Variants in ADAP1 observed in about 807,000 individuals in gnomAD.
ADAP1 encodes ArfGAP with dual PH domains 1.
A neutral mutation model predicts 54.9 loss-of-function variants in ADAP1; 31 were observed. That is an observed-to-expected ratio of 0.56 (90% confidence interval 0.42 to 0.76). The LOEUF is 0.76. Among genes scored for constraint, ADAP1 ranks in the 30% least tolerant of loss-of-function variants. ADAP1 has a pLI of 0.00. For missense variants in ADAP1, 535 were observed against 512.4 expected, an observed-to-expected ratio of 1.04 and a Z score of -0.42; for synonymous variants, 313 against 202.6, an observed-to-expected ratio of 1.55 and a Z score of -4.63.
intron 4 of ADAP1, among the ~76,000 whole-genome samples, chr7:917,437 G>A (rs776629082): frequency 6.6e-6 from 1 of 152,160 alleles, no homozygotes; most frequent in African/African-American, 2.4e-5. Context: ...TACAACACCA[G>A]GACTGTGTTC....
chr7:923,531 T>C (rs1846263334), intron 3 of ADAP1, among the ~76,000 whole-genome samples: 1 of 152,052 alleles, frequency 6.6e-6, no homozygotes, highest in Non-Finnish European at 1.5e-5. Context: ...TCCCGGCCTC[T>C]GAGTCACAGG....
Position 905,308 on chromosome 7 carries a change from C to T in ADAP1, c.389-136G>A, listed in dbSNP as rs868842805. 3.3e-4 allele frequency: 127 copies of T among 390,574 alleles called. 5 individuals carry two copies. The highest frequency in any genetic ancestry group is 1.7e-3 in the African/African-American group (42 of 25,242). 24.2% of individuals were successfully genotyped at this position (390,574 alleles called of 1,614,324 possible). ...GACGGGGGACACGGACAGGGGGAGA[C>T]GGACGGGGAGAGGGGACATGGAGGA... On this transcript the variant is annotated intron_variant, in intron 4 of 10. Coordinates refer to ENST00000265846, the MANE Select transcript of ADAP1 (RefSeq NM_006869.4).
intron 4 of ADAP1, among the ~76,000 whole-genome samples, chr7:914,036 GGGT>G (rs1845832477): frequency 6.6e-6 from 1 of 152,246 alleles, no homozygotes; most frequent in Non-Finnish European, 1.5e-5. Flanking sequence ...CCATGGTCCT[GGGT>G]GGCGTGGCCC....
rs1156736087 is a variant in ADAP1, at chr7:904,324, A to G, written c.502-52T>C. ...TCACAGGGGCCGTCGTCCAAGCTCA[A>G]GGGAGCAGGAAGGGCAGACCCTGTG... On this transcript the variant is annotated intron_variant, in intron 5 of 10. Coordinates refer to ENST00000265846, the MANE Select transcript of ADAP1 (RefSeq NM_006869.4). 2.6e-6 allele frequency: 4 copies of G among 1,524,168 alleles called. No individual in the cohort carries two copies. In the African/African-American group the frequency reaches 4.2e-5, roughly 16 times the overall value. 94.4% of individuals were successfully genotyped at this position (1,524,168 alleles called of 1,614,324 possible).
intron 4 of ADAP1, among the ~76,000 whole-genome samples, chr7:918,206 G>C (rs1420037763): frequency 6.6e-6 from 1 of 152,098 alleles, no homozygotes; most frequent in Non-Finnish European, 1.5e-5. Context: ...ACCGGCGTGA[G>C]CCACCGTGCC....
At position 946,806 on chromosome 7, in the gene ADAP1, G is replaced by T. The variant is rs962942656; in HGVS notation, c.82+7590C>A. ...AGAGGTGGTGGTTGAACAGCATGGA[G>T]AACGTTCTAAATGCCACTGAATTTT... On this transcript the variant is annotated intron_variant, in intron 1 of 10. Coordinates refer to ENST00000265846, the MANE Select transcript of ADAP1 (RefSeq NM_006869.4). This position sits in a 1 kb window ranked among gnomAD's most constrained non-coding sequence, Gnocchi z 4.3. Among the ~76,000 whole-genome samples the T allele has an allele frequency of 6.6e-6, 1 of 152,246 alleles. No homozygotes were observed. Among genetic ancestry groups the T allele is most frequent in the East Asian group, 1.9e-4 (1 of 5,204 alleles).
chr7:918,536 CTCTT>C (rs1846027253), intron 4 of ADAP1, among the ~76,000 whole-genome samples: 1 of 152,224 alleles, frequency 6.6e-6, no homozygotes, highest in Non-Finnish European at 1.5e-5. Context: ...GGCAGCCTCT[CTCTT>C]ACACAAGGGC....
At chr7:903,658 C>T (rs1295881214) in intron 6 of ADAP1, among the ~76,000 whole-genome samples, 2 of 152,114 alleles carry the variant, frequency 1.3e-5, no homozygotes, top group South Asian at 4.1e-4. Flanking sequence ...GGGGTACACC[C>T]ACCCTCCCCG....
At chr7:936,124 T>G (rs78035413) in intron 1 of ADAP1, among the ~76,000 whole-genome samples, 1,589 of 152,266 alleles carry the variant, frequency 0.01, 30 homozygotes, top group African/African-American at 0.037. Context: ...ATTCCACGTC[T>G]CGATGTCTGG....
chr7:934,620 A>G (rs1003450335), intron 2 of ADAP1, among the ~76,000 whole-genome samples: 4 of 151,974 alleles, frequency 2.6e-5, no homozygotes, highest in Non-Finnish European at 5.9e-5. Context: ...CCCACGCTCC[A>G]TCCGACCTGC....
chr7:926,855 G>A lies in ADAP1; in HGVS notation c.214-211C>T, dbSNP rs57055224. 2,265 of 803,172 alleles carry A rather than the reference G, an allele frequency of 2.8e-3. 46 individuals carry two copies. In the African/African-American group the frequency reaches 0.035, roughly 13 times the overall value. The allele number at this position is 803,172 out of a possible 1,614,324, so 49.8% of individuals were successfully genotyped here. On this transcript the variant is annotated intron_variant, in intron 2 of 10. Transcript: ENST00000265846. This position sits in a 1 kb window ranked among gnomAD's most constrained non-coding sequence, Gnocchi z 4.6. ...CCCCTGGGACAGGGAAGGAGCCAGCGTCCCTAACGACGGGGTCCCGGCAAA... is the reference window on the plus strand; with the variant it reads ...CCCCTGGGACAGGGAAGGAGCCAGCATCCCTAACGACGGGGTCCCGGCAAA...
intron 4 of ADAP1, among the ~76,000 whole-genome samples, chr7:917,361 C>T (rs1464227804): frequency 6.6e-6 from 1 of 151,160 alleles, no homozygotes; most frequent in Non-Finnish European, 1.5e-5. Context: ...GCAGTGCCAG[C>T]TCTACCAGGG....
At chr7:939,415 C>T (rs1005648211) in intron 1 of ADAP1, among the ~76,000 whole-genome samples, 2 of 150,976 alleles carry the variant, frequency 1.3e-5, no homozygotes, top group South Asian at 2.1e-4. Context: ...GATGTGGTTT[C>T]ACCATGTTGG....
Position 905,224 on chromosome 7 carries a change from C to A in ADAP1, c.389-52G>T, listed in dbSNP as rs775789559. ...GTGACAGTGGATGGGGGGGAGGAAA[C>A]AAAAGGAGTGACGATGGACAGGACA... On this transcript the variant is annotated intron_variant, in intron 4 of 10. Transcript: ENST00000265846. The A allele has an allele frequency of 2.5e-5, 36 of 1,428,118 alleles. No homozygotes were observed. In the African/African-American group the frequency reaches 3.8e-4, roughly 15 times the overall value. The allele number at this position is 1,428,118 out of a possible 1,614,324, so 88.5% of individuals were successfully genotyped here.
rs1847135823 is a variant in ADAP1, at chr7:946,248, CT to C, written c.82+8147del. On this transcript the variant is annotated intron_variant, in intron 1 of 10. Coordinates refer to ENST00000265846, the MANE Select transcript of ADAP1 (RefSeq NM_006869.4). The surrounding 1 kb of genome is among the most constrained non-coding windows in gnomAD (Gnocchi z 4.3). ...CCCGTGGCCCCTGCAGGGATCCAGG[CT>C]CCCGCCGGCCGGTGGATCCCCGCCA... 1.3e-5 allele frequency among the ~76,000 whole-genome samples: 2 copies of C among 152,192 alleles called. No homozygotes were observed. The highest frequency in any genetic ancestry group is 2.9e-5 in the Non-Finnish European group (2 of 68,026).
At chr7:940,412 C>T (rs948013717) in intron 1 of ADAP1, among the ~76,000 whole-genome samples, 12 of 151,178 alleles carry the variant, frequency 7.9e-5, no homozygotes, top group Admixed American at 5.3e-4. Flanking sequence ...AATCAAAAGA[C>T]GAGAGCCAGT....
chr7:950,317 C>A (rs1217530301), intron 1 of ADAP1, among the ~76,000 whole-genome samples: 1 of 152,100 alleles, frequency 6.6e-6, no homozygotes. Context: ...AACCCCATCT[C>A]TACTAAAAAT....
intron 4 of ADAP1, among the ~76,000 whole-genome samples, chr7:907,947 G>A (rs1266777106): frequency 6.6e-6 from 1 of 151,814 alleles, no homozygotes; most frequent in Non-Finnish European, 1.5e-5. Context: ...TCCAGGGGTC[G>A]CGGGGCCGTC....
At chr7:913,187 T>G (rs1583148992) in intron 4 of ADAP1, among the ~76,000 whole-genome samples, 1 of 138,978 alleles carries the variant, frequency 7.2e-6, no homozygotes, top group South Asian at 2.3e-4. Flanking sequence ...GCTGCTGGCC[T>G]CCTCCCCTTC....
Sources: gnomAD v4.1 joint callset for allele counts (sites outside exome capture counted in the v4.1 genomes callset) on GRCh38, gnomAD v4.1.1 for gene constraint, Gnocchi (gnomAD v3.1) non-coding constraint, MANE v1.5 for transcripts, NCBI Gene and HGNC (gene_info 2026-07-23, HGNC 2026-07-21) for gene names.